Variants in NCAM1 observed in about 807,000 individuals in gnomAD.
The protein encoded by NCAM1 is neural cell adhesion molecule 1.
In NCAM1, 14 loss-of-function variants were observed where a neutral mutation model predicts 109.8. That is an observed-to-expected ratio of 0.13 (90% CI 0.08 to 0.20). The LOEUF (loss-of-function observed/expected upper bound fraction) is 0.20. Ranked by LOEUF, NCAM1 falls within the 10% of genes least tolerant of loss-of-function variation. The pLI, the probability that NCAM1 is intolerant of heterozygous loss-of-function variation, is 1.00. For missense variants in NCAM1, 774 were observed against 1,109.9 expected (o/e 0.70, Z 4.30); for synonymous variants, 418 against 442.9 (o/e 0.94, Z 0.70).
chr11:113,211,826 T>G (rs7122359), intron 7 of NCAM1, among the ~76,000 whole-genome samples: 42,426 of 152,078 alleles, frequency 0.28, 6,559 homozygotes, highest in African/African-American at 0.43. Flanking sequence ...GGACTGGAGT[T>G]GGAGTAGACA....
intron 1 of NCAM1, among the ~76,000 whole-genome samples, chr11:113,140,214 G>T (rs1261211480): frequency 6.6e-6 from 1 of 152,178 alleles, no homozygotes; most frequent in Non-Finnish European, 1.5e-5. Flanking sequence ...ATATCATCCA[G>T]ACCCTGCCTC....
intron 17 of NCAM1, 61 bp from the exon 18 acceptor site, chr11:113,270,127 C>A: frequency 6.5e-7 from 1 of 1,541,450 alleles, no homozygotes; most frequent in Non-Finnish European, 8.9e-7. Context: ...CTTTTGCTGG[C>A]AGGGTCTGGA....
intron 1 of NCAM1, 44 bp from the exon 2 acceptor site, chr11:113,202,335 T>TG: frequency 6.6e-7 from 1 of 1,515,186 alleles, no homozygotes. Flanking sequence ...TTTGTGGGTT[T>TG]TTTTTTGTTT....
chr11:113,230,470 T>C (rs1204919521), intron 9 of NCAM1, among the ~76,000 whole-genome samples: 1 of 152,208 alleles, frequency 6.6e-6, no homozygotes, highest in Non-Finnish European at 1.5e-5. Context: ...AAGGGACTTT[T>C]CATTGGTAAA....
chr11:113,029,041 A>C (rs1026487981), intron 1 of NCAM1, among the ~76,000 whole-genome samples: 6 of 152,218 alleles, frequency 3.9e-5, no homozygotes, highest in Non-Finnish European at 7.3e-5. Flanking sequence ...GAACAAAAGC[A>C]TCTTTTCTGT....
At chr11:113,205,249 C>T (rs1166199991) in intron 3 of NCAM1, among the ~76,000 whole-genome samples, 1 of 152,124 alleles carries the variant, frequency 6.6e-6, no homozygotes, top group Non-Finnish European at 1.5e-5. Flanking sequence ...ACAAGGAACC[C>T]TTGGTGAAGA....
chr11:113,033,899 T>C (rs1555078711), intron 1 of NCAM1, among the ~76,000 whole-genome samples: 4 of 152,236 alleles, frequency 2.6e-5, no homozygotes, highest in Non-Finnish European at 5.9e-5. Context: ...CCTGTTACCA[T>C]TGTTTTAGAC....
intron 1 of NCAM1, among the ~76,000 whole-genome samples, chr11:113,048,834 G>T (rs1188008815): frequency 6.6e-6 from 1 of 152,170 alleles, no homozygotes; most frequent in Non-Finnish European, 1.5e-5. Context: ...TATGTCTGAG[G>T]GAAAGGGATA....
chr11:112,980,305 C>T (rs1951120244), intron 1 of NCAM1, among the ~76,000 whole-genome samples: 2 of 151,756 alleles, frequency 1.3e-5, no homozygotes, highest in South Asian at 4.2e-4. Flanking sequence ...ACAGAGTTAC[C>T]ATGTGAACCA....
chr11:113,157,305 C>A (rs76518781), intron 1 of NCAM1, among the ~76,000 whole-genome samples: 1 of 152,160 alleles, frequency 6.6e-6, no homozygotes, highest in Admixed American at 6.5e-5. Flanking sequence ...TTCATTAGAA[C>A]TTCACTGTTG....
intron 1 of NCAM1, among the ~76,000 whole-genome samples, chr11:113,018,064 A>G (rs1296941405): frequency 6.6e-6 from 1 of 152,108 alleles, no homozygotes; most frequent in Non-Finnish European, 1.5e-5. Context: ...AAATCGAAAT[A>G]CTTCTGAGGT....
chr11:113,051,111 T>C (rs1953469739), intron 1 of NCAM1, among the ~76,000 whole-genome samples: 2 of 152,218 alleles, frequency 1.3e-5, no homozygotes, highest in Non-Finnish European at 2.9e-5. Flanking sequence ...TACTAGGTCA[T>C]GTGCATTTTT....
chr11:112,970,179 T>C (rs1030817503), intron 1 of NCAM1, among the ~76,000 whole-genome samples: 1 of 152,050 alleles, frequency 6.6e-6, no homozygotes, highest in Non-Finnish European at 1.5e-5. Flanking sequence ...CTGCTGGAGA[T>C]GACAGAGAAA....
intron 1 of NCAM1, among the ~76,000 whole-genome samples, chr11:113,000,984 T>G (rs1776378865): frequency 6.6e-6 from 1 of 152,074 alleles, no homozygotes; most frequent in African/African-American, 2.4e-5. Flanking sequence ...AAGGAATGTT[T>G]CCATGTCTTC....
At chr11:113,236,233 ATT>A in intron 14 of NCAM1, 2 of 1,355,548 alleles carry the variant, frequency 1.5e-6, no homozygotes, top group Non-Finnish European at 2.0e-6. Context: ...TTTACATCTT[ATT>A]TTTTTTTTCT....
At chr11:113,069,765 G>C (rs969246266) in intron 1 of NCAM1, among the ~76,000 whole-genome samples, 1 of 152,190 alleles carries the variant, frequency 6.6e-6, no homozygotes, top group Non-Finnish European at 1.5e-5. Flanking sequence ...TATGGAGACA[G>C]TCTATTGCTG....
chr11:113,243,099 G>A, intron 14 of NCAM1: 1 of 611,894 alleles, frequency 1.6e-6, no homozygotes, highest in Non-Finnish European at 2.0e-6. Flanking sequence ...TTTCCAAATC[G>A]ACTCTCTAGT....
At chr11:112,986,269 T>C (rs1399392391) in intron 1 of NCAM1, among the ~76,000 whole-genome samples, 1 of 151,968 alleles carries the variant, frequency 6.6e-6, no homozygotes, top group Non-Finnish European at 1.5e-5. Context: ...TCCCCTTGAT[T>C]ATGGTGAGTT....
intron 1 of NCAM1, among the ~76,000 whole-genome samples, chr11:113,161,257 A>C (rs1591376520): frequency 1.3e-5 from 2 of 152,360 alleles, no homozygotes; most frequent in African/African-American, 4.8e-5. Flanking sequence ...TGTAGATTAA[A>C]AAAATCTTAT....
Sources: gnomAD v4.1 joint callset for allele counts (sites outside exome capture counted in the v4.1 genomes callset) on GRCh38, gnomAD v4.1.1 for gene constraint, MANE v1.5 for transcripts, NCBI Gene and HGNC (gene_info 2026-07-23, HGNC 2026-07-21) for gene names.